Variants in DCUN1D4 observed in about 807,000 individuals in gnomAD.
DCUN1D4 encodes the protein defective in cullin neddylation 1 domain containing 4.
In DCUN1D4, 22 loss-of-function variants were observed where a neutral mutation model predicts 47.9. The observed-to-expected ratio is 0.46, with a 90% CI of 0.33 to 0.66. The LOEUF (loss-of-function observed/expected upper bound fraction) is 0.66, where lower values mean the gene tolerates loss of function less well. Ranked by LOEUF, DCUN1D4 falls within the 30% of genes least tolerant of loss-of-function variation. The pLI is 0.02. For synonymous variants in DCUN1D4, 121 were observed against 112.2 expected, an observed-to-expected ratio of 1.08 and a Z score of -0.50; for missense variants, 301 against 340.8, an observed-to-expected ratio of 0.88 and a Z score of 0.92.
chr4:51,886,487 G>A (rs1729494297), intron 5 of DCUN1D4, 81 bp from the exon 6 acceptor site: 2 of 1,210,848 alleles, frequency 1.7e-6, no homozygotes, highest in Middle Eastern at 2.0e-4. Context: ...AGTCTTACTT[G>A]TTGACAGTAT....
chr4:51,834,071 TCTCTCTC>T, the DCUN1D4 span, among the ~76,000 whole-genome samples: 1 of 142,200 alleles, frequency 7.0e-6, no homozygotes, highest in African/African-American at 2.8e-5. Flanking sequence ...TCTCTCTCTC[TCTCTCTC>T]TCTCTCTCTT....
At chr4:51,866,235 T>C (rs78214576) in intron 3 of DCUN1D4, among the ~76,000 whole-genome samples, 253 of 152,312 alleles carry the variant, frequency 1.7e-3, no homozygotes, top group African/African-American at 6.0e-3. Context: ...TATATTCGCA[T>C]AGTTTTGAAA....
intron 8 of DCUN1D4, 33 bp downstream of exon 8, chr4:51,899,411 C>T (rs771367052): frequency 1.9e-6 from 3 of 1,567,726 alleles, no homozygotes; most frequent in African/African-American, 1.4e-5. Context: ...AGATGTTTCC[C>T]TCTCTTCCCT....
At chr4:51,852,315 CTT>C (rs1175386939) in intron 1 of DCUN1D4, among the ~76,000 whole-genome samples, 2 of 152,150 alleles carry the variant, frequency 1.3e-5, no homozygotes, top group Admixed American at 1.3e-4. Context: ...TTTAAATAGA[CTT>C]TGTTATTTTT....
intron 4 of DCUN1D4, 23 bp downstream of exon 4, chr4:51,874,408 C>A: frequency 6.4e-7 from 1 of 1,550,530 alleles, no homozygotes; most frequent in Non-Finnish European, 8.9e-7. Flanking sequence ...GACAGTAGAT[C>A]AGAATCAGTG....
chr4:51,844,813 G>T, intron 1 of DCUN1D4: 1 of 985,262 alleles, frequency 1.0e-6, no homozygotes, highest in Non-Finnish European at 1.2e-6. Flanking sequence ...GGCCGCGGTT[G>T]GGTTGGGTGC....
At chr4:51,862,467 C>T (rs1262842651) in intron 1 of DCUN1D4, among the ~76,000 whole-genome samples, 4 of 152,156 alleles carry the variant, frequency 2.6e-5, no homozygotes, top group East Asian at 3.9e-4. Context: ...GGATCTGATA[C>T]GTGTCCTAAA....
At chr4:51,887,270 GTT>G in intron 6 of DCUN1D4, 1 of 337,438 alleles carries the variant, frequency 3.0e-6, no homozygotes, top group South Asian at 2.2e-5. Flanking sequence ...CTTGGCTAAT[GTT>G]TTTTGTATTT....
upstream of DCUN1D4, among the ~76,000 whole-genome samples, chr4:51,842,838 G>A (rs186882968): frequency 1.5e-3 from 225 of 152,328 alleles, no homozygotes; most frequent in African/African-American, 4.1e-3. Flanking sequence ...CACTGGGCGG[G>A]GTTTCAGGGT....
At chr4:51,892,567 T>A (rs535885649) in intron 7 of DCUN1D4, among the ~76,000 whole-genome samples, 22 of 152,334 alleles carry the variant, frequency 1.4e-4, no homozygotes, top group Admixed American at 3.3e-4. Flanking sequence ...ACTTCATTAC[T>A]CCAGTGATTT....
At chr4:51,889,102 C>G (rs1730017733) in intron 6 of DCUN1D4, among the ~76,000 whole-genome samples, 1 of 149,488 alleles carries the variant, frequency 6.7e-6, no homozygotes, top group Admixed American at 7.1e-5. Context: ...GAGTGAGACT[C>G]TGTCTCGAAA....
In DCUN1D4 at chr4:51,911,092, ACAT is replaced by A. The variant is rs1733655202; in HGVS notation, c.639_641del (p.Asp213_Ile214delinsGlu). ...CAGGAAAAGGACCAGCGCAGCCTAGACATAAACACTGCCAAGTGCATGTTGGGA... is the reference window on the plus strand; with the variant it reads ...CAGGAAAAGGACCAGCGCAGCCTAGAAAACACTGCCAAGTGCATGTTGGGA... On this transcript the variant is annotated inframe_deletion, in exon 9 of 11. Transcript: ENST00000334635. 6.2e-7 allele frequency: 1 copy of A among 1,613,612 alleles called. No homozygotes were observed. The highest frequency in any genetic ancestry group is 8.5e-7 in the Non-Finnish European group (1 of 1,179,806).
chr4:51,890,960 G>A (rs1276276187), intron 6 of DCUN1D4, among the ~76,000 whole-genome samples: 2 of 152,214 alleles, frequency 1.3e-5, no homozygotes, highest in Non-Finnish European at 2.9e-5. Flanking sequence ...CAAAAGCACA[G>A]GTGGCACCTG....
upstream of DCUN1D4, among the ~76,000 whole-genome samples, chr4:51,842,820 C>T (rs1409902250): frequency 6.6e-6 from 1 of 152,236 alleles, no homozygotes; most frequent in Non-Finnish European, 1.5e-5. Flanking sequence ...TCCACCAATC[C>T]CGCCCGCCAC....
intron 1 of DCUN1D4, among the ~76,000 whole-genome samples, chr4:51,862,384 G>A (rs1385550430): frequency 1.3e-5 from 2 of 152,206 alleles, no homozygotes; most frequent in African/African-American, 4.8e-5. Context: ...AGGGTTCAGA[G>A]TAGCAGCACA....
intron 5 of DCUN1D4, among the ~76,000 whole-genome samples, chr4:51,879,057 G>A (rs1456020202): frequency 6.6e-6 from 1 of 152,096 alleles, no homozygotes; most frequent in Non-Finnish European, 1.5e-5. Context: ...TTCTGGTGGA[G>A]GACTCGAGAG....
intron 8 of DCUN1D4, among the ~76,000 whole-genome samples, chr4:51,902,096 G>T (rs1254666461): frequency 6.6e-6 from 1 of 152,144 alleles, no homozygotes; most frequent in Non-Finnish European, 1.5e-5. Flanking sequence ...ATTTAGGATT[G>T]TCCAGATAAT....
intron 4 of DCUN1D4, chr4:51,875,176 A>G (rs1266214472): frequency 6.6e-6 from 1 of 152,220 alleles, no homozygotes; most frequent in Non-Finnish European, 1.5e-5. Context: ...GACTCTGAAA[A>G]TGTAAAAATA....
intron 3 of DCUN1D4, chr4:51,865,047 G>A: frequency 4.5e-6 from 1 of 224,328 alleles, no homozygotes; most frequent in Admixed American, 4.2e-5. Context: ...CTTAGCATAA[G>A]TTTTAATTCT....
Sources: gnomAD v4.1 joint callset for allele counts (sites outside exome capture counted in the v4.1 genomes callset) on GRCh38, gnomAD v4.1.1 for gene constraint, MANE v1.5 for transcripts, NCBI Gene and HGNC (gene_info 2026-07-23, HGNC 2026-07-21) for gene names.